CACNA1E: variants seen among roughly 807,000 people sequenced by gnomAD.
CACNA1E encodes calcium voltage-gated channel subunit alpha1 E.
In CACNA1E, 40 loss-of-function variants were observed where a neutral mutation model predicts 259.2. That is an observed-to-expected ratio of 0.15 (90% CI 0.12 to 0.20). CACNA1E has a LOEUF of 0.20. CACNA1E is among the 10% of genes least tolerant of loss of function. The pLI, the probability that CACNA1E is intolerant of heterozygous loss-of-function variation, is 1.00. For missense variants in CACNA1E, 1,874 were observed against 3,040.1 expected, an observed-to-expected ratio of 0.62 and a Z score of 9.02; for synonymous variants, 1,104 against 1,138.5, an observed-to-expected ratio of 0.97 and a Z score of 0.61.
intron 3 of CACNA1E, among the ~76,000 whole-genome samples, chr1:181,554,430 A>G (rs1648512934): frequency 6.6e-6 from 1 of 152,228 alleles, no homozygotes; most frequent in African/African-American, 2.4e-5. Context: ...GATTTTTGTC[A>G]AGGGGCTTGC....
intron 17 of CACNA1E, 42 bp from the exon 18 acceptor site, chr1:181,726,023 T>A: frequency 7.0e-7 from 1 of 1,438,132 alleles, no homozygotes; most frequent in South Asian, 1.2e-5. Context: ...CTACTCTCCT[T>A]CCTGGGGATC....
At chr1:181,771,797 G>C (rs761186035) in intron 36 of CACNA1E, among the ~76,000 whole-genome samples, 1 of 152,196 alleles carries the variant, frequency 6.6e-6, no homozygotes, top group African/African-American at 2.4e-5. Flanking sequence ...TAGATAGCCA[G>C]GTTTATGCTG....
chr1:181,505,874 T>G (rs775252746), intron 1 of CACNA1E, among the ~76,000 whole-genome samples: 6 of 152,200 alleles, frequency 3.9e-5, no homozygotes, highest in Non-Finnish European at 8.8e-5. Context: ...GAATATTAAT[T>G]TATTAATAAA....
In CACNA1E at chr1:181,636,215, G is replaced by T. The variant is rs1157205446; in HGVS notation, c.952-15123G>T. ...ACTGTACCACATACAAGGCATATTG[G>T]TTAAGAGTGCTGCGGTCAGACTGCT... is the stretch of plus-strand genomic sequence containing the variant. On this transcript the variant is annotated intron_variant, in intron 6 of 47. Coordinates refer to ENST00000367573, the MANE Select transcript of CACNA1E (RefSeq NM_001205293.3). Among the ~76,000 whole-genome samples the T allele has an allele frequency of 2.0e-5, 3 of 152,138 alleles. No individual in the cohort carries two copies. The East Asian group carries it at 5.8e-4, about 29-fold the overall frequency.
upstream of CACNA1E, among the ~76,000 whole-genome samples, chr1:181,479,066 T>C (rs1406766980): frequency 1.3e-5 from 2 of 152,250 alleles, no homozygotes; most frequent in Non-Finnish European, 2.9e-5. Flanking sequence ...TTAGCTCCTG[T>C]TGGGTTTCCA....
intron 1 of CACNA1E, among the ~76,000 whole-genome samples, chr1:181,407,939 A>C (rs1280900291): frequency 6.6e-6 from 1 of 152,230 alleles, no homozygotes; most frequent in Non-Finnish European, 1.5e-5. Context: ...ACAGGTGGGA[A>C]TTAGGACATC....
At chr1:181,512,577 T>C (rs1357261357) in intron 3 of CACNA1E, among the ~76,000 whole-genome samples, 1 of 152,216 alleles carries the variant, frequency 6.6e-6, no homozygotes, top group Non-Finnish European at 1.5e-5. Context: ...GGGTAAGGGC[T>C]TGGGAATGAT....
intron 3 of CACNA1E, among the ~76,000 whole-genome samples, chr1:181,528,211 A>G (rs1667510592): frequency 6.6e-6 from 1 of 152,106 alleles, no homozygotes; most frequent in African/African-American, 2.4e-5. Flanking sequence ...GATAGTGAAT[A>G]AGTCTCATGA....
chr1:181,720,719 G>T, intron 14 of CACNA1E, 64 bp from the exon 15 acceptor site: 1 of 922,810 alleles, frequency 1.1e-6, no homozygotes. Context: ...CTGTGATCTT[G>T]GGGAATGGAA....
intron 2 of CACNA1E, among the ~76,000 whole-genome samples, chr1:181,467,923 C>G (rs1432414810): frequency 6.6e-6 from 1 of 152,188 alleles, no homozygotes; most frequent in African/African-American, 2.4e-5. Context: ...CTAGTGGCTA[C>G]AGGCCAGGGA....
At chr1:181,654,303 T>C (rs1251320854) in intron 7 of CACNA1E, among the ~76,000 whole-genome samples, 1 of 151,522 alleles carries the variant, frequency 6.6e-6, no homozygotes, top group Non-Finnish European at 1.5e-5. Context: ...TAATAAAATA[T>C]AAAGGTAATA....
intron 1 of CACNA1E, among the ~76,000 whole-genome samples, chr1:181,491,449 C>A (rs1664308067): frequency 6.6e-6 from 1 of 152,318 alleles, no homozygotes. Flanking sequence ...GATATTCATG[C>A]TGCTGGTCTT....
intron 15 of CACNA1E, among the ~76,000 whole-genome samples, chr1:181,721,166 A>G (rs1654379684): frequency 6.6e-6 from 1 of 152,184 alleles, no homozygotes. Flanking sequence ...TCTGAAATCT[A>G]GGGGCATCTT....
At chr1:181,771,915 G>T (rs1659552221) in intron 36 of CACNA1E, 151 bp from the exon 37 acceptor site, 2 of 658,466 alleles carry the variant, frequency 3.0e-6, no homozygotes, top group Non-Finnish European at 5.1e-6. Context: ...CTTTATCTCT[G>T]CATGGAAAGC....
rs2102461924 is a variant in CACNA1E at position 181,717,273 on chromosome 1, A to G, written c.1496A>G (p.Asn499Ser). Residue 499 changes from asparagine to serine, a missense_variant, in exon 11 of 48, where the codon AAC (asparagine) becomes AGC (serine). Physicochemically the swap from Asn to Ser is conservative, Grantham distance 46. This residue lies in a region of CACNA1E where 157 missense variants were observed against 203.5 expected (regional missense o/e 0.77). Coordinates refer to ENST00000367573, the MANE Select transcript of CACNA1E (RefSeq NM_001205293.3). ...NTACVAIVHHNQPQWLTHLLY... is the reference protein window; with the variant it reads ...NTACVAIVHHSQPQWLTHLLY... ...GCCTGTGTGGCCATTGTCCATCACAACCAGCCCCAGTGGCTCACCCACCTC... is the reference window on the plus strand; with the variant it reads ...GCCTGTGTGGCCATTGTCCATCACAGCCAGCCCCAGTGGCTCACCCACCTC... 2 of 1,613,812 alleles carry G rather than the reference A, an allele frequency of 1.2e-6. No homozygotes were observed. Among genetic ancestry groups the G allele is most frequent in the Non-Finnish European group, 1.7e-6 (2 of 1,179,860 alleles).
rs41268478 is a variant in CACNA1E, at chr1:181,732,277, C to T, written c.2298-107C>T. ...CCTGTCTGCAGGTCCTGGGCACTCC[C>T]ATTTGCCCCCACCATGTGTCCTGCC... On this transcript the variant is annotated intron_variant, in intron 19 of 47. Transcript: ENST00000367573. This position sits in a 1 kb window ranked among gnomAD's most constrained non-coding sequence, Gnocchi z 5.5. 8,621 of 1,407,282 alleles carry T rather than the reference C, an allele frequency of 6.1e-3. 23 individuals are homozygous for T. The highest frequency in any genetic ancestry group is 7.2e-3 in the Non-Finnish European group (7,837 of 1,081,870). 87.2% of individuals were successfully genotyped at this position (1,407,282 alleles called of 1,614,324 possible).
At chr1:181,521,974 TC>T (rs1262661483) in intron 3 of CACNA1E, among the ~76,000 whole-genome samples, 7 of 152,148 alleles carry the variant, frequency 4.6e-5, no homozygotes, top group African/African-American at 1.7e-4. Context: ...ATCATTCACA[TC>T]ATTCAGGGCC....
At chr1:181,693,128 C>CAAAAAAAAAAAAAAAAAAAAAAAA (rs61662957) in intron 7 of CACNA1E, among the ~76,000 whole-genome samples, 2 of 97,848 alleles carry the variant, frequency 2.0e-5, no homozygotes, top group Non-Finnish European at 4.0e-5. Flanking sequence ...CTATCTAAAG[C>CAAAAAAAAAAAAAAAAAAAAAAAA]AAAAAAAAAA....
At chr1:181,766,793 A>G (rs1230797622) in intron 35 of CACNA1E, among the ~76,000 whole-genome samples, 182 bp downstream of exon 35, 1 of 152,158 alleles carries the variant, frequency 6.6e-6, no homozygotes. Flanking sequence ...TCCCCATTTT[A>G]GCTTGCCTAA....
Sources: gnomAD v4.1 joint callset for allele counts (sites outside exome capture counted in the v4.1 genomes callset) on GRCh38, gnomAD v4.1.1 for gene constraint, gnomAD v4.1.1 regional missense constraint, Gnocchi (gnomAD v3.1) non-coding constraint, MANE v1.5 for transcripts, NCBI Gene and HGNC (gene_info 2026-07-23, HGNC 2026-07-21) for gene names.